PCDH11X: variants seen among roughly 807,000 people sequenced by gnomAD.
PCDH11X encodes the protein protocadherin 11 X-linked, also known as protocadherin-11 X-linked.
In PCDH11X, 18 loss-of-function variants were observed where a neutral mutation model predicts 53.3. The observed-to-expected ratio is 0.34, with a 90% CI of 0.23 to 0.50. The LOEUF (loss-of-function observed/expected upper bound fraction) is 0.50, where lower values mean the gene tolerates loss of function less well. Among genes scored for constraint, PCDH11X ranks in the 20% least tolerant of loss-of-function variants. The pLI is 0.98. For missense variants in PCDH11X, 570 were observed against 1,032.4 expected (o/e 0.55, Z 6.14); for synonymous variants, 279 against 393.3 (o/e 0.71, Z 3.44).
chrX:92,032,842 T>C (rs1000251226), intron 6 of PCDH11X, among the ~76,000 whole-genome samples: 3 of 99,524 alleles, frequency 3.0e-5, no homozygotes, highest in African/African-American at 8.6e-5. Context: ...CACTTGACCA[T>C]GATAAATGAT....
intron 8 of PCDH11X, among the ~76,000 whole-genome samples, chrX:92,380,659 G>A (rs938579966): frequency 1.4e-4 from 16 of 111,480 alleles, no homozygotes; most frequent in African/African-American, 4.9e-4. Context: ...GTTACAAAAG[G>A]TCCAAATAAT....
At chrX:91,958,406 T>A (rs2061738255) in intron 6 of PCDH11X, among the ~76,000 whole-genome samples, 1 of 111,626 alleles carries the variant, frequency 9.0e-6, no homozygotes, top group Admixed American at 9.5e-5. Flanking sequence ...TCTGTGTGTG[T>A]CTGAGTGGCT....
At chrX:92,316,969 G>A (rs1268706666) in intron 8 of PCDH11X, among the ~76,000 whole-genome samples, 25 of 110,705 alleles carry the variant, frequency 2.3e-4, no homozygotes, top group African/African-American at 7.9e-4. Context: ...AGCCAAAATG[G>A]AATTAAAATA....
chrX:92,370,371 A>G (rs2070586422), intron 8 of PCDH11X, among the ~76,000 whole-genome samples: 2 of 104,336 alleles, frequency 1.9e-5, no homozygotes, highest in African/African-American at 3.5e-5. Flanking sequence ...AAAAATGTGT[A>G]CTCTTTTGAT....
intron 8 of PCDH11X, among the ~76,000 whole-genome samples, chrX:92,315,363 G>T (rs1266305666): frequency 4.5e-5 from 5 of 110,924 alleles, no homozygotes; most frequent in Non-Finnish European, 7.6e-5. Flanking sequence ...TTTACAGCTG[G>T]TTTTTAAAAT....
At chrX:92,164,143 C>G (rs1253750736) in intron 6 of PCDH11X, among the ~76,000 whole-genome samples, 1 of 112,091 alleles carries the variant, frequency 8.9e-6, no homozygotes, top group East Asian at 2.8e-4. Flanking sequence ...ATATCTCCAT[C>G]TTGCTCAAAG....
Position 91,835,782 on chromosome X carries a change from G to A in PCDH11X, c.278G>A (p.Arg93His), listed in dbSNP as rs143617694. The A allele has an allele frequency of 4.7e-5, 57 of 1,209,145 alleles. No homozygotes were observed. The highest frequency in any genetic ancestry group is 6.1e-5 in the Non-Finnish European group (55 of 895,010). Residue 93 changes from arginine to histidine, a missense_variant, in exon 5 of 11, where the codon CGT (arginine) becomes CAT (histidine). By Grantham distance (29) the Arg-to-His change is conservative. This residue lies in a region of PCDH11X where 84 missense variants were observed against 142.0 expected (regional missense o/e 0.59). Coordinates refer to ENST00000682573, the MANE Select transcript of PCDH11X (RefSeq NM_032968.5). ...EIFTTGARID[R>H]EKLCAGIPRD... ...TTCACTACTGGCGCTCGCATTGATC[G>A]TGAGAAATTATGTGCTGGTATCCCA...
At chrX:92,477,421 A>T (rs1166605182) in intron 10 of PCDH11X, among the ~76,000 whole-genome samples, 1 of 102,798 alleles carries the variant, frequency 9.7e-6, no homozygotes, top group East Asian at 3.1e-4. Context: ...GCTATTGCTG[A>T]TGTTTCCTTT....
At chrX:92,425,145 G>A (rs1277936797) in intron 9 of PCDH11X, among the ~76,000 whole-genome samples, 1 of 110,336 alleles carries the variant, frequency 9.1e-6, no homozygotes, top group Non-Finnish European at 1.9e-5. Context: ...ACTCTTATAG[G>A]AAGATTTTGA....
intron 9 of PCDH11X, among the ~76,000 whole-genome samples, chrX:92,467,618 TCA>T (rs1035140695): frequency 9.9e-5 from 11 of 111,180 alleles, no homozygotes; most frequent in African/African-American, 3.6e-4. Context: ...AAGCATGATT[TCA>T]CAGTGTTTTG....
intron 6 of PCDH11X, among the ~76,000 whole-genome samples, chrX:92,065,287 A>G (rs940660660): frequency 9.2e-6 from 1 of 109,147 alleles, no homozygotes; most frequent in African/African-American, 3.4e-5. Context: ...TATTGTGAAT[A>G]GTGTTGCAAC....
intron 10 of PCDH11X, among the ~76,000 whole-genome samples, chrX:92,486,690 A>T (rs2148679775): frequency 9.0e-6 from 1 of 111,301 alleles, no homozygotes; most frequent in South Asian, 3.8e-4. Context: ...CATTCCATAT[A>T]TTTCCAGGAG....
At chrX:92,542,640 A>G (rs1368262782) in intron 10 of PCDH11X, among the ~76,000 whole-genome samples, 2 of 111,703 alleles carry the variant, frequency 1.8e-5, no homozygotes, top group East Asian at 5.6e-4. Flanking sequence ...AATATATAAG[A>G]TATATGTCTC....
intron 4 of PCDH11X, among the ~76,000 whole-genome samples, chrX:91,824,258 C>T (rs1936815969): frequency 1.8e-5 from 2 of 111,128 alleles, no homozygotes; most frequent in East Asian, 5.7e-4. Flanking sequence ...TGGATAATAT[C>T]CTGCAGAGTG....
intron 8 of PCDH11X, among the ~76,000 whole-genome samples, chrX:92,285,992 C>T (rs2068362001): frequency 8.9e-6 from 1 of 112,736 alleles, no homozygotes; most frequent in African/African-American, 3.2e-5. Context: ...ATCGCTCATG[C>T]TATTGTTTGT....
intron 6 of PCDH11X, among the ~76,000 whole-genome samples, chrX:92,092,906 G>T (rs35145228): frequency 1.8e-5 from 2 of 111,109 alleles, no homozygotes; most frequent in Admixed American, 9.6e-5. Flanking sequence ...TGATGGGGGC[G>T]GTTTCTCATG....
chrX:91,936,307 AG>A (rs2061444087), intron 6 of PCDH11X, among the ~76,000 whole-genome samples: 1 of 109,617 alleles, frequency 9.1e-6, no homozygotes, highest in Admixed American at 9.9e-5. Flanking sequence ...TGGTGCATAA[AG>A]AATTAGAAAG....
At chrX:92,226,131 G>A (rs6615349) in intron 7 of PCDH11X, among the ~76,000 whole-genome samples, 8,777 of 111,192 alleles carry the variant, frequency 0.079, 573 homozygotes, top group East Asian at 0.42. Flanking sequence ...CCTCCTCATC[G>A]TAAGTGCCTT....
intron 8 of PCDH11X, among the ~76,000 whole-genome samples, chrX:92,318,989 T>A (rs12392076): frequency 0.027 from 3,038 of 112,161 alleles, 97 homozygotes; most frequent in African/African-American, 0.092. Flanking sequence ...CAGAATAAAG[T>A]ACGTATTGTT....
Sources: gnomAD v4.1 joint callset for allele counts (sites outside exome capture counted in the v4.1 genomes callset) on GRCh38, gnomAD v4.1.1 for gene constraint, gnomAD v4.1.1 regional missense constraint, MANE v1.5 for transcripts, NCBI Gene and HGNC (gene_info 2026-07-23, HGNC 2026-07-21) for gene names.